KCNMA1: variants seen among roughly 807,000 people sequenced by gnomAD.
KCNMA1 encodes the protein Calcium-activated potassium channel subunit alpha-1.
A neutral mutation model predicts 140.0 loss-of-function variants in KCNMA1; 29 were observed. The ratio of observed to expected loss-of-function variants is 0.21; its 90% CI spans 0.15 to 0.28. The LOEUF (loss-of-function observed/expected upper bound fraction) is 0.28. Among genes scored for constraint, KCNMA1 ranks in the 10% least tolerant of loss-of-function variants. The probability of loss-of-function intolerance (pLI) is 1.00; values close to 1 mark genes in which losing one functional copy is unlikely to be tolerated. For missense variants in KCNMA1, 880 were observed against 1,602.2 expected (o/e 0.55, Z 7.70); for synonymous variants, 612 against 611.9 (o/e 1.00, Z 0.00).
At chr10:77,089,721 C>T (rs895108223) in intron 10 of KCNMA1, among the ~76,000 whole-genome samples, 1 of 152,158 alleles carries the variant, frequency 6.6e-6, no homozygotes, top group Admixed American at 6.5e-5. Context: ...CTCATCACAG[C>T]CCAACTAGGT....
rs201619256 is a variant in KCNMA1 at position 76,979,083 on chromosome 10, C to T, written c.2267-9016G>A. ...TCGCCCAATTTCCAGCCCTGAACAC[C>T]ATTTCTCAAAGGTGTTTGAGGTACT... On this transcript the variant is annotated intron_variant, in intron 19 of 27. Coordinates refer to ENST00000286628, the MANE Select transcript of KCNMA1 (RefSeq NM_001161352.2). Among the ~76,000 whole-genome samples, 12 of 152,280 alleles carry T rather than the reference C, an allele frequency of 7.9e-5. No homozygotes were observed. In the East Asian group the frequency reaches 1.7e-3, roughly 22 times the overall value.
At chr10:77,009,646 CT>C (rs1005458264) in intron 18 of KCNMA1, among the ~76,000 whole-genome samples, 2 of 152,150 alleles carry the variant, frequency 1.3e-5, no homozygotes, top group African/African-American at 4.8e-5. Flanking sequence ...ACCACGTCCC[CT>C]GTCTCCGTCT....
chr10:77,634,544 G>A, intron 1 of KCNMA1: 1 of 355,208 alleles, frequency 2.8e-6, no homozygotes, highest in Non-Finnish European at 3.2e-6. Context: ...ATCTCCCACA[G>A]AATTTCAGAC....
At chr10:77,272,978 T>C (rs776968838) in intron 2 of KCNMA1, among the ~76,000 whole-genome samples, 14 of 152,230 alleles carry the variant, frequency 9.2e-5, no homozygotes, top group East Asian at 1.9e-4. Flanking sequence ...GGACCTATTA[T>C]AAGCGCCAGA....
chr10:77,052,338 A>C (rs1161421710), intron 14 of KCNMA1, among the ~76,000 whole-genome samples: 3 of 152,116 alleles, frequency 2.0e-5, no homozygotes, highest in Non-Finnish European at 4.4e-5. Context: ...TTTTGAGGGG[A>C]CATGATGGTC....
rs1408261308 is a variant in KCNMA1, at chr10:76,887,457, A to T, written c.3520T>A (p.Cys1174Ser). The change falls in exon 28 of 28, where the codon TGC becomes AGC. Residue 1174 changes from cysteine (C) to serine (S), a missense_variant. Around this residue, in one of 13 missense-constraint regions of KCNMA1, gnomAD observed 115 missense variants for 139.9 expected, o/e 0.82. Coordinates refer to ENST00000286628, the MANE Select transcript of KCNMA1 (RefSeq NM_001161352.2). ...GCATTGTGGTCAAACTGCATTAAGC[A>T]GAAGATCAGGTCCGTCGGCACGAGC... ...FELVPTDLIFCLMQFDHNAGQ... is the reference protein window; with the variant it reads ...FELVPTDLIFSLMQFDHNAGQ... 3 of 1,614,018 alleles carry T rather than the reference A, an allele frequency of 1.9e-6. No homozygotes were observed. In the South Asian group the frequency reaches 3.3e-5, roughly 18 times the overall value.
chr10:77,588,411 G>A (rs1186830525), intron 1 of KCNMA1, among the ~76,000 whole-genome samples: 2 of 152,220 alleles, frequency 1.3e-5, no homozygotes, highest in African/African-American at 4.8e-5. Flanking sequence ...AGACAGACAG[G>A]TAGGTCTGGA....
chr10:77,564,624 G>T (rs1235800188), intron 1 of KCNMA1, among the ~76,000 whole-genome samples: 1 of 152,178 alleles, frequency 6.6e-6, no homozygotes, highest in African/African-American at 2.4e-5. Context: ...GTGATTTCAT[G>T]CATGCCCCTT....
At chr10:76,936,202 A>T (rs934114555) in intron 23 of KCNMA1, among the ~76,000 whole-genome samples, 2 of 152,222 alleles carry the variant, frequency 1.3e-5, no homozygotes, top group Non-Finnish European at 2.9e-5. Context: ...GAAGAAATGT[A>T]ACAGGGCAGG....
intron 2 of KCNMA1, among the ~76,000 whole-genome samples, chr10:77,397,877 C>T (rs1345643769): frequency 2.6e-5 from 4 of 152,076 alleles, no homozygotes; most frequent in Non-Finnish European, 1.5e-5. Flanking sequence ...TATTTGACTT[C>T]GTTTCTGAGT....
At chr10:77,254,098 T>C (rs1011219602) in intron 2 of KCNMA1, among the ~76,000 whole-genome samples, 1 of 152,162 alleles carries the variant, frequency 6.6e-6, no homozygotes, top group East Asian at 1.9e-4. Flanking sequence ...GATTACATTT[T>C]AGTCTGCATG....
chr10:77,337,626 A>G (rs1049419783), intron 2 of KCNMA1, among the ~76,000 whole-genome samples: 1 of 152,242 alleles, frequency 6.6e-6, no homozygotes, highest in African/African-American at 2.4e-5. Context: ...TGTCAAAAAA[A>G]GAAAAGAAAC....
At chr10:77,080,669 C>T (rs1305363175) in intron 12 of KCNMA1, among the ~76,000 whole-genome samples, 1 of 152,074 alleles carries the variant, frequency 6.6e-6, no homozygotes, top group African/African-American at 2.4e-5. Context: ...GAGTAGGGGG[C>T]CTGGAGCAGG....
rs568813415 is a variant in KCNMA1 at position 76,916,509 on chromosome 10, C to T, written c.2903-1460G>A. 3.3e-5 allele frequency among the ~76,000 whole-genome samples: 5 copies of T among 152,334 alleles called. 1 individual carries two copies. Among genetic ancestry groups the T allele is most frequent in the Middle Eastern group, 6.8e-3 (2 of 294 alleles). On this transcript the variant is annotated intron_variant, in intron 23 of 27. Transcript: ENST00000286628. The stretch of plus-strand genomic sequence containing the variant: ...TCTAACGAAGCATACGGCAGCTCCA[C>T]GCAAGTGGCAAGACCCAGTGCAATT...
intron 1 of KCNMA1, among the ~76,000 whole-genome samples, chr10:77,571,654 A>G (rs2670146): frequency 0.91 from 138,639 of 152,150 alleles, 63,301 homozygotes; most frequent in Middle Eastern, 0.97. Context: ...CTTCAGACAG[A>G]AATCTCATTT....
intron 1 of KCNMA1, chr10:77,634,475 G>A (rs936962678): frequency 1.0e-6 from 1 of 985,408 alleles, no homozygotes. Flanking sequence ...TGATCAAAAA[G>A]GTTTGGTGCG....
chr10:76,958,216 T>TA (rs2069214445), intron 20 of KCNMA1, among the ~76,000 whole-genome samples: 1 of 152,188 alleles, frequency 6.6e-6, no homozygotes, highest in Admixed American at 6.5e-5. Flanking sequence ...TGCAAGGTGA[T>TA]AGAGACCCAC....
intron 3 of KCNMA1, among the ~76,000 whole-genome samples, chr10:77,213,154 T>C (rs938328703): frequency 6.6e-6 from 1 of 152,204 alleles, no homozygotes; most frequent in African/African-American, 2.4e-5. Flanking sequence ...CCTATTGTTA[T>C]GACGTGTAAT....
At chr10:77,195,032 T>TTTGTTGTTGTTGTTGTTGTTA (rs2039972690) in intron 3 of KCNMA1, among the ~76,000 whole-genome samples, 1 of 151,992 alleles carries the variant, frequency 6.6e-6, no homozygotes, top group African/African-American at 2.4e-5. Flanking sequence ...ATCTTGAAGT[T>TTTGTTGTTGTTGTTGTTGTTA]TTGTTGTTGT....
Sources: allele counts gnomAD v4.1 joint callset (sites outside exome capture counted in the v4.1 genomes callset), GRCh38; gene constraint gnomAD v4.1.1; regional missense constraint gnomAD v4.1.1; transcripts MANE v1.5; gene names NCBI Gene and HGNC (gene_info 2026-07-23, HGNC 2026-07-21).